OLFM3: variants seen among roughly 807,000 people sequenced by gnomAD.
The protein encoded by OLFM3 is olfactomedin 3, also known as noelin-3.
A neutral mutation model predicts 48.6 loss-of-function variants in OLFM3; 20 were observed. The observed-to-expected ratio is 0.41, with a 90% CI of 0.29 to 0.60. The LOEUF is 0.60. Among genes scored for constraint, OLFM3 ranks in the 20% least tolerant of loss-of-function variants. OLFM3 has a pLI of 0.28. For missense variants in OLFM3, 437 were observed against 544.3 expected (o/e 0.80, Z 1.96); for synonymous variants, 222 against 198.1 (o/e 1.12, Z -1.01).
Position 101,803,569 on chromosome 1 carries a change from A to C in OLFM3, c.*669T>G, listed in dbSNP as rs1337385950. The C allele has an allele frequency of 2.0e-5, 3 of 152,200 alleles. No homozygotes were observed. Among genetic ancestry groups the C allele is most frequent in the Non-Finnish European group, 4.4e-5 (3 of 67,806 alleles). 9.4% of individuals were successfully genotyped at this position (152,200 alleles called of 1,614,324 possible). Reference sequence around the variant, plus strand: ...CTTGACCACACTTGAAAATGGACTCAATTACTGAGGTTAAATTTCAGTGTA... The same window carrying C: ...CTTGACCACACTTGAAAATGGACTCCATTACTGAGGTTAAATTTCAGTGTA... On this transcript the variant is annotated 3_prime_UTR_variant, in exon 6 of 6. Coordinates refer to ENST00000370103, the MANE Select transcript of OLFM3 (RefSeq NM_058170.4).
At chr1:101,807,867 T>C (rs1323484299) in intron 4 of OLFM3, among the ~76,000 whole-genome samples, 2 of 151,820 alleles carry the variant, frequency 1.3e-5, no homozygotes, top group African/African-American at 4.8e-5. Flanking sequence ...ATTAAGCCTA[T>C]TTAGAATATA....
Position 101,966,317 on chromosome 1 carries a change from T to TTTTGTG in OLFM3, c.69+30430_69+30431insCACAAA, listed in dbSNP as rs371512942. ...GTAGCTGGCACCACACCTGGCTAAT[T>TTTTGTG]TGTGTGTGTGTGTGTGTGTGTGTGT... On this transcript the variant is annotated intron_variant, in intron 1 of 5. Coordinates refer to ENST00000370103, the MANE Select transcript of OLFM3 (RefSeq NM_058170.4). Among the ~76,000 whole-genome samples the TTTTGTG allele has an allele frequency of 5.2e-3, 665 of 128,138 alleles. 5 individuals are homozygous for TTTTGTG. The highest frequency in any genetic ancestry group is 0.026 in the East Asian group (115 of 4,454). 84.1% of individuals were successfully genotyped at this position (128,138 alleles called of 152,430 possible).
At chr1:101,950,687 A>G (rs899275543) in intron 1 of OLFM3, among the ~76,000 whole-genome samples, 10 of 151,288 alleles carry the variant, frequency 6.6e-5, no homozygotes, top group Admixed American at 1.3e-4. Flanking sequence ...CTCGTGATCC[A>G]CCCGCCTCGG....
intron 4 of OLFM3, among the ~76,000 whole-genome samples, chr1:101,813,708 T>C (rs1042011232): frequency 2.0e-5 from 3 of 152,186 alleles, no homozygotes; most frequent in Non-Finnish European, 2.9e-5. Context: ...CCATTAGCTA[T>C]CTTCTCTCTG....
intron 1 of OLFM3, among the ~76,000 whole-genome samples, chr1:101,897,052 G>T (rs968034123): frequency 6.6e-6 from 1 of 152,100 alleles, no homozygotes; most frequent in East Asian, 1.9e-4. Flanking sequence ...ATAGAGCTTA[G>T]GATGTCCATA....
intron 4 of OLFM3, among the ~76,000 whole-genome samples, chr1:101,807,939 A>T (rs1393444961): frequency 2.0e-5 from 3 of 151,840 alleles, no homozygotes; most frequent in Non-Finnish European, 4.4e-5. Flanking sequence ...GGTTTGAACT[A>T]GAAAATGTTA....
intron 1 of OLFM3, among the ~76,000 whole-genome samples, chr1:101,848,063 G>T (rs542733137): frequency 1.3e-5 from 2 of 151,900 alleles, no homozygotes; most frequent in African/African-American, 4.8e-5. Flanking sequence ...TAGAATCCAG[G>T]GTTTATGGGT....
chr1:101,831,659 T>C (rs1206691456), intron 2 of OLFM3, among the ~76,000 whole-genome samples: 1 of 152,190 alleles, frequency 6.6e-6, no homozygotes, highest in Non-Finnish European at 1.5e-5. Context: ...AAGATTAAGA[T>C]AGATCTCTAT....
intron 1 of OLFM3, among the ~76,000 whole-genome samples, chr1:101,930,357 T>C (rs576460453): frequency 3.9e-5 from 6 of 152,196 alleles, no homozygotes; most frequent in Non-Finnish European, 8.8e-5. Flanking sequence ...GTGAGTTTTT[T>C]TGAAAGGAAA....
At chr1:101,917,258 TA>T (rs1658957758) in intron 1 of OLFM3, among the ~76,000 whole-genome samples, 2 of 152,172 alleles carry the variant, frequency 1.3e-5, no homozygotes, top group African/African-American at 4.8e-5. Flanking sequence ...AAGGTTGAAA[TA>T]AAATACTGCA....
At chr1:101,980,152 A>G (rs1393057190) in intron 1 of OLFM3, among the ~76,000 whole-genome samples, 1 of 152,170 alleles carries the variant, frequency 6.6e-6, no homozygotes, top group Non-Finnish European at 1.5e-5. Context: ...TTTTATTCTC[A>G]TAGGCAGAAG....
At chr1:101,827,028 A>G (rs1365590293) in intron 3 of OLFM3, among the ~76,000 whole-genome samples, 3 of 152,208 alleles carry the variant, frequency 2.0e-5, no homozygotes, top group Admixed American at 2.0e-4. Flanking sequence ...GAAACTCTGA[A>G]AACTTATATG....
chr1:101,918,622 G>A (rs939632811), intron 1 of OLFM3, among the ~76,000 whole-genome samples: 3 of 145,902 alleles, frequency 2.1e-5, no homozygotes, highest in Non-Finnish European at 4.5e-5. Context: ...CTCAAATAAT[G>A]CAGGATAACC....
At chr1:101,873,086 A>T (rs892228146) in intron 1 of OLFM3, among the ~76,000 whole-genome samples, 3 of 151,996 alleles carry the variant, frequency 2.0e-5, no homozygotes, top group Admixed American at 1.3e-4. Context: ...GATGAAGTCT[A>T]TCAAAATGTC....
intron 1 of OLFM3, among the ~76,000 whole-genome samples, chr1:101,867,750 T>C (rs1656911752): frequency 6.6e-6 from 1 of 152,204 alleles, no homozygotes. Context: ...GAACAAATAA[T>C]AGTTTTTGCT....
chr1:101,924,196 C>T (rs1010857290), intron 1 of OLFM3, among the ~76,000 whole-genome samples: 19 of 152,236 alleles, frequency 1.2e-4, no homozygotes, highest in African/African-American at 4.6e-4. Context: ...CAATTTTGCA[C>T]TGATTATGAA....
intron 1 of OLFM3, among the ~76,000 whole-genome samples, chr1:101,855,378 T>C (rs150018248): frequency 7.4e-4 from 112 of 152,162 alleles, no homozygotes; most frequent in East Asian, 4.2e-3. Context: ...ACAGGGCCAG[T>C]ATATGAACCC....
intron 1 of OLFM3, among the ~76,000 whole-genome samples, chr1:101,838,797 G>A (rs557069724): frequency 4.6e-5 from 7 of 152,168 alleles, no homozygotes; most frequent in Non-Finnish European, 7.3e-5. Flanking sequence ...AATTCTTAAA[G>A]TAACTAAAGC....
At chr1:101,908,803 T>C (rs796205536) in intron 1 of OLFM3, among the ~76,000 whole-genome samples, 16 of 151,538 alleles carry the variant, frequency 1.1e-4, no homozygotes, top group African/African-American at 3.9e-4. Flanking sequence ...AAAGCAGAGA[T>C]TAGAGTGATT....
Sources: allele counts gnomAD v4.1 joint callset (sites outside exome capture counted in the v4.1 genomes callset), GRCh38; gene constraint gnomAD v4.1.1; transcripts MANE v1.5; gene names NCBI Gene and HGNC (gene_info 2026-07-23, HGNC 2026-07-21).